The following KIRREL3 variants were observed in gnomAD, a reference collection of about 807,000 sequenced individuals.
KIRREL3 encodes kirre like nephrin family adhesion molecule 3.
A neutral mutation model predicts 89.7 loss-of-function variants in KIRREL3; 36 were observed. The observed-to-expected ratio is 0.40, with a 90% confidence interval of 0.31 to 0.53. The LOEUF (loss-of-function observed/expected upper bound fraction) is 0.53, where lower values mean the gene tolerates loss of function less well. Among genes scored for constraint, KIRREL3 ranks in the 20% least tolerant of loss-of-function variants. The pLI, the probability that KIRREL3 is intolerant of heterozygous loss-of-function variation, is 0.49. For missense variants in KIRREL3, 864 were observed against 1,056.6 expected (o/e 0.82, Z 2.53); for synonymous variants, 445 against 441.4 (o/e 1.01, Z -0.10).
chr11:126,514,573 T>C (rs772013938), intron 4 of KIRREL3, among the ~76,000 whole-genome samples: 1 of 152,226 alleles, frequency 6.6e-6, no homozygotes, highest in Non-Finnish European at 1.5e-5. Context: ...AATGCTGCTA[T>C]GCCTTGCTGC....
chr11:126,879,348 G>A lies in KIRREL3; in HGVS notation c.55+121107C>T, dbSNP rs1370791899. On this transcript the variant is annotated intron_variant, in intron 1 of 16. Transcript: ENST00000525144. The surrounding 1 kb of genome is among the most constrained non-coding windows in gnomAD (Gnocchi z 5.4). Reference sequence around the variant, plus strand: ...TACACTAACGTGGAATTACTGAACCGTCACACACATCTGGAAATGTATGTT... The same window carrying A: ...TACACTAACGTGGAATTACTGAACCATCACACACATCTGGAAATGTATGTT... 5.9e-5 allele frequency among the ~76,000 whole-genome samples: 9 copies of A among 152,186 alleles called. No homozygotes were observed. Among genetic ancestry groups the A allele is most frequent in the African/African-American group, 1.4e-4 (6 of 41,446 alleles).
chr11:126,651,137 T>C lies in KIRREL3; in HGVS notation c.56-88225A>G, dbSNP rs1418614260. Among the ~76,000 whole-genome samples, 3 of 152,280 alleles carry C rather than the reference T, an allele frequency of 2.0e-5. No individual in the cohort carries two copies. The highest frequency in any genetic ancestry group is 2.0e-4 in the Admixed American group (3 of 15,298). ...TATGGGAGTACAATTCAAGATGATA[T>C]GTGGGTGGGGACACAGCAAAACCAT... is the stretch of plus-strand genomic sequence containing the variant. On this transcript the variant is annotated intron_variant, in intron 1 of 16. Coordinates refer to ENST00000525144, the MANE Select transcript of KIRREL3 (RefSeq NM_032531.4). The surrounding 1 kb of genome is among the most constrained non-coding windows in gnomAD (Gnocchi z 4.6).
In KIRREL3 at chr11:126,678,599, C is replaced by CAAAAAAAAA. The variant is rs59342253; in HGVS notation, c.56-115696_56-115688dup. ...TGGGCGATAGAGCAAGACTCTGTCT[C>CAAAAAAAAA]AAAAAAAAAAAAAAAAAAAAAAAAA... On this transcript the variant is annotated intron_variant, in intron 1 of 16. Coordinates refer to ENST00000525144, the MANE Select transcript of KIRREL3 (RefSeq NM_032531.4). 6.4e-4 allele frequency among the ~76,000 whole-genome samples: 32 copies of CAAAAAAAAA among 50,042 alleles called. 1 individual carries two copies. The highest frequency in any genetic ancestry group is 7.5e-4 in the Non-Finnish European group (22 of 29,258). The allele number at this position is 50,042 out of a possible 152,430, so 32.8% of individuals were successfully genotyped here.
Position 126,724,648 on chromosome 11 carries a change from A to G in KIRREL3, c.56-161736T>C, listed in dbSNP as rs938640776. 2.0e-5 allele frequency among the ~76,000 whole-genome samples: 3 copies of G among 152,204 alleles called. No individual in the cohort carries two copies. The highest frequency in any genetic ancestry group is 4.4e-5 in the Non-Finnish European group (3 of 68,042). On this transcript the variant is annotated intron_variant, in intron 1 of 16. Coordinates refer to ENST00000525144, the MANE Select transcript of KIRREL3 (RefSeq NM_032531.4). The surrounding 1 kb of genome is among the most constrained non-coding windows in gnomAD (Gnocchi z 4.3). ...CGAGATTGAATTCAGGTATAGTTTTAGCTGCCTTCCTTCTTGAAACTTCCC... is the reference window on the plus strand; with the variant it reads ...CGAGATTGAATTCAGGTATAGTTTTGGCTGCCTTCCTTCTTGAAACTTCCC...
intron 5 of KIRREL3, among the ~76,000 whole-genome samples, chr11:126,464,598 G>A (rs1344029540): frequency 7.2e-5 from 11 of 151,908 alleles, no homozygotes; most frequent in Non-Finnish European, 1.0e-4. Context: ...AAGAGAAGAG[G>A]AGGAGGAGGA....
chr11:126,452,030 GC>G (rs375169609), intron 7 of KIRREL3, among the ~76,000 whole-genome samples: 15 of 152,008 alleles, frequency 9.9e-5, no homozygotes, highest in African/African-American at 2.9e-4. Context: ...GCCGTCTCCT[GC>G]CCTTCCCTCC....
At chr11:126,945,636 A>G (rs1252238762) in intron 1 of KIRREL3, among the ~76,000 whole-genome samples, 8 of 152,066 alleles carry the variant, frequency 5.3e-5, no homozygotes, top group African/African-American at 1.9e-4. Flanking sequence ...TAGACTCACA[A>G]CAGACAGATG....
chr11:126,703,955 G>T lies in KIRREL3; in HGVS notation c.56-141043C>A, dbSNP rs1947416227. On this transcript the variant is annotated intron_variant, in intron 1 of 16. Transcript: ENST00000525144. This position sits in a 1 kb window ranked among gnomAD's most constrained non-coding sequence, Gnocchi z 4.6. ...CTTTCACAGAAAGGAAGAAGAAATG[G>T]AATTTCTGTCAGATTGCTTGAACTC... 1.2e-4 allele frequency among the ~76,000 whole-genome samples: 4 copies of T among 33,056 alleles called. No individual in the cohort carries two copies. In the South Asian group the frequency reaches 7.4e-3, roughly 61 times the overall value. 21.7% of individuals were successfully genotyped at this position (33,056 alleles called of 152,430 possible). A position where few individuals can be genotyped will look rare whatever the true frequency, so the allele number is the denominator to read the frequency against.
Position 126,967,269 on chromosome 11 carries a change from C to T in KIRREL3, c.55+33186G>A, listed in dbSNP as rs115571273. 6.5e-3 allele frequency among the ~76,000 whole-genome samples: 983 copies of T among 152,232 alleles called. 7 individuals carry two copies. The highest frequency in any genetic ancestry group is 0.022 in the African/African-American group (918 of 41,530). ...TTCAGCAATTTTACTTTCCTCGGTG[C>T]TCCTTCACCATGCCCGCACATCCCT... On this transcript the variant is annotated intron_variant, in intron 1 of 16. Coordinates refer to ENST00000525144, the MANE Select transcript of KIRREL3 (RefSeq NM_032531.4).
intron 12 of KIRREL3, among the ~76,000 whole-genome samples, chr11:126,435,996 T>A (rs1955314694): frequency 6.6e-6 from 1 of 152,224 alleles, no homozygotes; most frequent in Non-Finnish European, 1.5e-5. Flanking sequence ...TGCTGCTGGC[T>A]GTGGTGGGGC....
rs151291166 is a variant in KIRREL3, at chr11:126,636,706, G to T, written c.56-73794C>A. Reference sequence around the variant, plus strand: ...CTGAGACCTTTGTTTTGCTGGTTACGGTTGTGGCCTGATGGGCTAAGCTAG... The same window carrying T: ...CTGAGACCTTTGTTTTGCTGGTTACTGTTGTGGCCTGATGGGCTAAGCTAG... On this transcript the variant is annotated intron_variant, in intron 1 of 16. Transcript: ENST00000525144. The surrounding 1 kb of genome is among the most constrained non-coding windows in gnomAD (Gnocchi z 4.4). 6.4e-4 allele frequency among the ~76,000 whole-genome samples: 97 copies of T among 152,248 alleles called. 1 individual carries two copies. In the East Asian group the frequency reaches 0.016, roughly 24 times the overall value.
In KIRREL3 at chr11:126,830,944, T is replaced by C. The variant is rs1943583624; in HGVS notation, c.55+169511A>G. ...CATATGCCTTCATTGATGTGAATAA[T>C]ACCACCCTGGGCATTACTATCACCC... is the stretch of plus-strand genomic sequence containing the variant. On this transcript the variant is annotated intron_variant, in intron 1 of 16. Transcript: ENST00000525144. This position sits in a 1 kb window ranked among gnomAD's most constrained non-coding sequence, Gnocchi z 4.9. Among the ~76,000 whole-genome samples, 1 of 152,126 alleles carries C rather than the reference T, an allele frequency of 6.6e-6. No homozygotes were observed. The highest frequency in any genetic ancestry group is 6.5e-5 in the Admixed American group (1 of 15,280).
In KIRREL3 at chr11:126,872,538, G is replaced by A. The variant is rs534726600; in HGVS notation, c.55+127917C>T. 1.4e-4 allele frequency among the ~76,000 whole-genome samples: 21 copies of A among 152,240 alleles called. No homozygotes were observed. Among genetic ancestry groups the A allele is most frequent in the South Asian group, 6.2e-4 (3 of 4,824 alleles). On this transcript the variant is annotated intron_variant, in intron 1 of 16. Transcript: ENST00000525144. This position sits in a 1 kb window ranked among gnomAD's most constrained non-coding sequence, Gnocchi z 4.2. ...CCTGGGTGAAGCCAAGAACCCTCCC[G>A]GACTAAGCCCCAATTTGGGGGCTCA...
chr11:126,951,696 C>T (rs77974766), intron 1 of KIRREL3, among the ~76,000 whole-genome samples: 2,070 of 152,234 alleles, frequency 0.014, 57 homozygotes, highest in East Asian at 0.12. Context: ...AGGCATTAAG[C>T]GAAGACAGCT....
At chr11:126,792,788 C>A (rs1950686654) in intron 1 of KIRREL3, among the ~76,000 whole-genome samples, 1 of 152,134 alleles carries the variant, frequency 6.6e-6, no homozygotes, top group Non-Finnish European at 1.5e-5. Flanking sequence ...AAGTCTTAAT[C>A]CAGTTTTATA....
intron 1 of KIRREL3, among the ~76,000 whole-genome samples, chr11:126,661,100 T>C (rs189584902): frequency 1.3e-5 from 2 of 152,226 alleles, no homozygotes; most frequent in East Asian, 3.9e-4. Context: ...AACCAAAACA[T>C]ACTAAGAAAA....
At position 126,978,013 on chromosome 11, in the gene KIRREL3, C is replaced by T. The variant is rs149430813; in HGVS notation, c.55+22442G>A. On this transcript the variant is annotated intron_variant, in intron 1 of 16. Transcript: ENST00000525144. This position sits in a 1 kb window ranked among gnomAD's most constrained non-coding sequence, Gnocchi z 4.2. Reference sequence around the variant, plus strand: ...CTCCATTGAGTGGATTTCTGTAGTACGACTCTGCTGCCAGTCTACTGACAG... The same window carrying T: ...CTCCATTGAGTGGATTTCTGTAGTATGACTCTGCTGCCAGTCTACTGACAG... Among the ~76,000 whole-genome samples, 6 of 152,256 alleles carry T rather than the reference C, an allele frequency of 3.9e-5. No homozygotes were observed. The highest frequency in any genetic ancestry group is 3.9e-4 in the East Asian group (2 of 5,174).
At chr11:126,887,542 C>A (rs953138895) in intron 1 of KIRREL3, among the ~76,000 whole-genome samples, 4 of 152,112 alleles carry the variant, frequency 2.6e-5, no homozygotes, top group African/African-American at 7.2e-5. Flanking sequence ...GTAACCCACC[C>A]CTCACTGCAG....
chr11:126,888,437 T>C (rs764802874), intron 1 of KIRREL3, among the ~76,000 whole-genome samples: 6 of 152,112 alleles, frequency 3.9e-5, no homozygotes, highest in Non-Finnish European at 7.3e-5. Flanking sequence ...GGGAAGAGCA[T>C]AGGAGGGCGC....
Sources: allele counts gnomAD v4.1 joint callset (sites outside exome capture counted in the v4.1 genomes callset), GRCh38; gene constraint gnomAD v4.1.1; non-coding constraint Gnocchi (gnomAD v3.1); transcripts MANE v1.5; gene names NCBI Gene and HGNC (gene_info 2026-07-23, HGNC 2026-07-21).